Variants in R3HDM1 observed in about 807,000 individuals in gnomAD.
R3HDM1 encodes the protein R3H domain-containing protein 1.
A neutral mutation model predicts 141.1 loss-of-function variants in R3HDM1; 46 were observed. The ratio of observed to expected loss-of-function variants is 0.33; its 90% CI spans 0.26 to 0.42. The LOEUF (loss-of-function observed/expected upper bound fraction) is 0.42, where lower values mean the gene tolerates loss of function less well. R3HDM1 is among the 10% of genes least tolerant of loss of function. R3HDM1 has a pLI of 1.00. For synonymous variants in R3HDM1, 435 were observed against 472.9 expected (o/e 0.92, Z 1.04); for missense variants, 1,184 against 1,368.3 (o/e 0.87, Z 2.12).
intron 1 of R3HDM1, among the ~76,000 whole-genome samples, chr2:135,567,122 T>C (rs925784048): frequency 2.0e-5 from 3 of 152,176 alleles, no homozygotes; most frequent in African/African-American, 7.2e-5. Flanking sequence ...GTGTCTGTAA[T>C]AGTGCTTGGG....
intron 11 of R3HDM1, 69 bp downstream of exon 11, chr2:135,636,252 C>T (rs956653425): frequency 4.6e-5 from 69 of 1,513,140 alleles, no homozygotes; most frequent in Non-Finnish European, 4.6e-5. Context: ...TCTCAGTCTC[C>T]CTTTTATCTA....
At chr2:135,606,453 G>A (rs1475955970) in intron 3 of R3HDM1, 1 of 152,026 alleles carries the variant, frequency 6.6e-6, no homozygotes, top group Non-Finnish European at 1.5e-5. Flanking sequence ...CCACCTTTAA[G>A]CTACCACAAA....
At chr2:135,665,554 A>G in intron 19 of R3HDM1, 2 of 440,716 alleles carry the variant, frequency 4.5e-6, no homozygotes, top group Admixed American at 2.5e-5. Flanking sequence ...ACATTTGTTT[A>G]TATTTTTCAT....
chr2:135,531,998 T>G (rs892646301), intron 1 of R3HDM1, among the ~76,000 whole-genome samples: 1 of 152,192 alleles, frequency 6.6e-6, no homozygotes, highest in South Asian at 2.1e-4. Context: ...TCCGAGTCCC[T>G]GCCATGGCTG....
chr2:135,620,535 A>G (rs957425331), intron 5 of R3HDM1: 1 of 984,366 alleles, frequency 1.0e-6, no homozygotes, highest in Non-Finnish European at 1.2e-6. Context: ...TGGTATGATG[A>G]ATTAAGAAGA....
At chr2:135,677,122 C>G (rs2069320196) in intron 20 of R3HDM1, among the ~76,000 whole-genome samples, 1 of 152,028 alleles carries the variant, frequency 6.6e-6, no homozygotes, top group South Asian at 2.1e-4. Flanking sequence ...AGGATATAAG[C>G]AAAGGTGCAA....
chr2:135,723,835 T>A, intron 26 of R3HDM1, 102 bp from the exon 27 acceptor site: 1 of 796,498 alleles, frequency 1.3e-6, no homozygotes, highest in Admixed American at 2.6e-5. Flanking sequence ...ATTTTGTGTA[T>A]TCGAATGGTC....
At position 135,635,971 on chromosome 2, in the gene R3HDM1, C is replaced by T. The variant is rs568892505; in HGVS notation, c.780C>T (p.Asn260=). ...FQKRYILKRD[N]SSFDKDDNQM... The stretch of plus-strand genomic sequence containing the variant: ...AACGTTATATCCTCAAGAGAGATAA[C>T]TCTAGCTTTGACAAAGATGATAACC... Residue 260 remains asparagine (N), a synonymous_variant, in exon 10 of 27, where the codon AAC becomes AAT. Coordinates refer to ENST00000683871, the MANE Select transcript of R3HDM1 (RefSeq NM_001378107.1). The T allele has an allele frequency of 4.3e-6, 7 of 1,611,962 alleles. No individual in the cohort carries two copies. Among genetic ancestry groups the T allele is most frequent in the African/African-American group, 2.7e-5 (2 of 74,856 alleles).
At chr2:135,542,659 T>C (rs189425991) in intron 1 of R3HDM1, among the ~76,000 whole-genome samples, 117 of 152,334 alleles carry the variant, frequency 7.7e-4, no homozygotes, top group African/African-American at 2.6e-3. Flanking sequence ...TCATCCCCTA[T>C]AATGACATAC....
At chr2:135,662,997 G>T (rs1398364791) in intron 19 of R3HDM1, among the ~76,000 whole-genome samples, 1 of 152,028 alleles carries the variant, frequency 6.6e-6, no homozygotes, top group East Asian at 1.9e-4. Context: ...AAAATCCTTT[G>T]TTCTGTGTTT....
At chr2:135,559,092 T>TGCGCGC (rs1553526556) in intron 1 of R3HDM1, 1 of 826,770 alleles carries the variant, frequency 1.2e-6, no homozygotes, top group African/African-American at 1.9e-5. Context: ...TGTGTGTGTG[T>TGCGCGC]GCATGCGTGT....
intron 1 of R3HDM1, among the ~76,000 whole-genome samples, chr2:135,563,003 G>T (rs574897790): frequency 1.3e-5 from 2 of 152,190 alleles, no homozygotes; most frequent in African/African-American, 4.8e-5. Flanking sequence ...ATTATGAAAA[G>T]TATTCCAGTT....
Position 135,616,744 on chromosome 2 carries a change from C to T in R3HDM1, c.290C>T (p.Ser97Leu). The change falls in exon 5 of 27, where the codon TCA (serine) becomes TTA (leucine). Residue 97 changes from serine to leucine, a missense_variant. Physicochemically the swap from Ser to Leu is moderately radical, Grantham distance 145. Coordinates refer to ENST00000683871, the MANE Select transcript of R3HDM1 (RefSeq NM_001378107.1). The part of the protein sequence containing the change: ...ESPPPPAPEI[S>L]QENQEKIQIQ... ...CCACCACCCCCTGCACCAGAGATATCACAGGAGAACCAGGTAAAAAAGCAA... is the reference window on the plus strand; with the variant it reads ...CCACCACCCCCTGCACCAGAGATATTACAGGAGAACCAGGTAAAAAAGCAA... The T allele has an allele frequency of 1.2e-6, 2 of 1,602,734 alleles. No homozygotes were observed. The highest frequency in any genetic ancestry group is 2.2e-5 in the South Asian group (2 of 89,708).
intron 19 of R3HDM1, among the ~76,000 whole-genome samples, chr2:135,662,809 G>T (rs2066899547): frequency 6.6e-6 from 1 of 151,950 alleles, no homozygotes; most frequent in African/African-American, 2.4e-5. Context: ...AATTTTTCTG[G>T]ACCTCAAGTA....
intron 1 of R3HDM1, chr2:135,583,757 T>C: frequency 1.0e-6 from 1 of 985,436 alleles, no homozygotes; most frequent in Non-Finnish European, 1.2e-6. Flanking sequence ...CCTGTAAAGG[T>C]TGAGATCTTT....
intron 1 of R3HDM1, among the ~76,000 whole-genome samples, chr2:135,582,713 A>G (rs1707097589): frequency 6.6e-6 from 1 of 152,190 alleles, no homozygotes; most frequent in African/African-American, 2.4e-5. Context: ...AGGTATTTTT[A>G]CTTCAAATTA....
intron 5 of R3HDM1, among the ~76,000 whole-genome samples, chr2:135,618,716 G>A (rs2061286108): frequency 6.6e-6 from 1 of 151,950 alleles, no homozygotes; most frequent in Admixed American, 6.5e-5. Flanking sequence ...TTTTGAAACA[G>A]CACTTTTAAA....
intron 11 of R3HDM1, among the ~76,000 whole-genome samples, chr2:135,637,179 A>G (rs1312940554): frequency 6.6e-6 from 1 of 152,180 alleles, no homozygotes; most frequent in East Asian, 1.9e-4. Flanking sequence ...TGTGGTTTAT[A>G]TAGAGACATG....
intron 16 of R3HDM1, among the ~76,000 whole-genome samples, chr2:135,647,392 AAAT>A (rs1416740099): frequency 6.6e-6 from 1 of 152,232 alleles, no homozygotes; most frequent in Non-Finnish European, 1.5e-5. Flanking sequence ...ATTTCAGTGG[AAAT>A]AATGTTAATC....
Sources: allele counts gnomAD v4.1 joint callset (sites outside exome capture counted in the v4.1 genomes callset), GRCh38; gene constraint gnomAD v4.1.1; transcripts MANE v1.5; gene names NCBI Gene and HGNC (gene_info 2026-07-23, HGNC 2026-07-21).